The following SLC44A2 variants were observed in gnomAD, a reference collection of about 807,000 sequenced individuals.
SLC44A2 encodes the protein solute carrier family 44 member 2 (CTL2 blood group), also known as choline transporter-like protein 2.
Under a neutral mutation model 90.8 loss-of-function variants are expected in SLC44A2, and 57 were observed. The ratio of observed to expected loss-of-function variants is 0.63; its 90% CI spans 0.51 to 0.78. The LOEUF (loss-of-function observed/expected upper bound fraction) is 0.78. Among genes scored for constraint, SLC44A2 ranks in the 30% least tolerant of loss-of-function variants. SLC44A2 has a pLI of 0.00. For missense variants in SLC44A2, 794 were observed against 919.7 expected (o/e 0.86, Z 1.77); for synonymous variants, 355 against 360.7 (o/e 0.98, Z 0.18).
Position 10,632,064 on chromosome 19 carries a change from C to T in SLC44A2, c.731C>T (p.Ala244Val). 5 of 1,614,120 alleles carry T rather than the reference C, an allele frequency of 3.1e-6. No individual in the cohort carries two copies. The highest frequency in any genetic ancestry group is 1.7e-4 in the Middle Eastern group (1 of 6,060). The change falls in exon 10 of 22, where the codon GCG becomes GTG. Residue 244 changes from alanine to valine, a missense_variant. By Grantham distance (64) the Ala-to-Val change is moderately conservative. Around this residue, in one of 3 missense-constraint regions of SLC44A2, gnomAD observed 738 missense variants for 841.1 expected, o/e 0.88. Coordinates refer to ENST00000335757, the MANE Select transcript of SLC44A2 (RefSeq NM_020428.4). ...CCCAGAGGCCTGGTCATTGCCATGG[C>T]GATGAGCCTCCTGTTCATCATCCTG... is the stretch of plus-strand genomic sequence containing the variant. Reference protein sequence around the residue: ...WIIIGLVIAMAMSLLFIILLR... With the variant: ...WIIIGLVIAMVMSLLFIILLR...
At chr19:10,637,598 C>G in intron 16 of SLC44A2, 46 bp from the exon 17 acceptor site, 1 of 1,538,500 alleles carries the variant, frequency 6.5e-7, no homozygotes, top group South Asian at 1.1e-5. Context: ...CCTTCCAAGT[C>G]AGGCTGGTGT....
intron 20 of SLC44A2, 42 bp downstream of exon 20, chr19:10,638,357 G>A (rs143665362): frequency 5.4e-5 from 85 of 1,577,432 alleles, no homozygotes; most frequent in Non-Finnish European, 7.1e-5. Flanking sequence ...GGAAGAAAGA[G>A]GTGTTGGGAT....
At chr19:10,640,251 C>T (rs1012743467) in intron 20 of SLC44A2, among the ~76,000 whole-genome samples, 2 of 151,930 alleles carry the variant, frequency 1.3e-5, no homozygotes, top group African/African-American at 4.8e-5. Context: ...CCACTGTGCC[C>T]GGCTAATTTT....
upstream of SLC44A2, chr19:10,625,526 G>A: frequency 8.1e-7 from 1 of 1,227,486 alleles, no homozygotes; most frequent in Non-Finnish European, 1.0e-6. Context: ...CGCTGTGCTG[G>A]GAGGAGCCGC....
chr19:10,613,161 G>A (rs1918357497), intron 1 of SLC44A2, among the ~76,000 whole-genome samples: 3 of 152,064 alleles, frequency 2.0e-5, no homozygotes, highest in South Asian at 2.1e-4. Context: ...GGGCTCAAGC[G>A]ATTCTCCCAC....
At chr19:10,636,227 A>T in intron 14 of SLC44A2, 96 bp from the exon 15 acceptor site, 1 of 1,407,962 alleles carries the variant, frequency 7.1e-7, no homozygotes, top group Non-Finnish European at 9.7e-7. Flanking sequence ...CTCCTGTCCT[A>T]CCTCATGGTT....
intron 18 of SLC44A2, 21 bp from the exon 19 acceptor site, chr19:10,638,002 G>GC: frequency 6.2e-7 from 1 of 1,614,042 alleles, no homozygotes; most frequent in South Asian, 1.1e-5. Flanking sequence ...ATTCACACCT[G>GC]CCCCTCACTG....
In SLC44A2 at chr19:10,636,154, C is replaced by T. The variant is rs528524119; in HGVS notation, c.1234-169C>T. The T allele has an allele frequency of 1.5e-4, 117 of 774,364 alleles. 2 individuals are homozygous for T. In the South Asian group the frequency reaches 2.1e-3, roughly 14 times the overall value. 48.0% of individuals were successfully genotyped at this position (774,364 alleles called of 1,614,324 possible). A position where few individuals can be genotyped will look rare whatever the true frequency, so the allele number is the denominator to read the frequency against. ...ATGGCCACGTCTTGTTTCTAGAATC[C>T]CTTCCTTTGCACAAGCCATATTCTG... On this transcript the variant is annotated intron_variant, in intron 14 of 21. Transcript: ENST00000335757.
upstream of SLC44A2, chr19:10,625,359 A>C (rs1679732563): frequency 1.3e-6 from 1 of 792,966 alleles, no homozygotes; most frequent in African/African-American, 1.8e-5. Flanking sequence ...CCCAGGGTGA[A>C]GCCGCAGGGT....
chr19:10,603,808 C>T lies in SLC44A2; in HGVS notation c.31+1247C>T, dbSNP rs534130904. Among the ~76,000 whole-genome samples the T allele has an allele frequency of 1.6e-4, 24 of 152,352 alleles. No homozygotes were observed. The South Asian group carries it at 2.1e-3, about 13-fold the overall frequency. On this transcript the variant is annotated intron_variant, in intron 1 of 21. Transcript: ENST00000407327. ...GGCAGGCTGTCTCTGACCTGAGAGT[C>T]TCAGCCTGAGGTTCTAGCCAGGTCT...
In SLC44A2 at chr19:10,642,357, C is replaced by T. The variant is rs1194136395; in HGVS notation, c.1930-10C>T. On this transcript the variant is annotated splice_polypyrimidine_tract_variant and intron_variant, in intron 20 of 21. Coordinates refer to ENST00000335757, the MANE Select transcript of SLC44A2 (RefSeq NM_020428.4). ...CACGGAGCAGGGACAGCTCGTTTCT[C>T]CTTGCCCAGACGGTGATCGTTGGCT... The T allele has an allele frequency of 1.2e-6, 2 of 1,613,688 alleles. No homozygotes were observed. The highest frequency in any genetic ancestry group is 1.7e-6 in the Non-Finnish European group (2 of 1,179,796).
chr19:10,609,658 T>C (rs1918227642), intron 1 of SLC44A2, among the ~76,000 whole-genome samples: 1 of 151,942 alleles, frequency 6.6e-6, no homozygotes, highest in South Asian at 2.1e-4. Context: ...AGAGATAGAG[T>C]CTTGCTATGT....
chr19:10,637,791 G>C, intron 17 of SLC44A2, 44 bp downstream of exon 17: 5 of 1,613,336 alleles, frequency 3.1e-6, no homozygotes, highest in Middle Eastern at 1.6e-4. Context: ...AGCTCCTGCT[G>C]GGTGAGAGGA....
upstream of SLC44A2, among the ~76,000 whole-genome samples, chr19:10,622,403 G>C (rs1051517712): frequency 2.0e-5 from 3 of 152,118 alleles, no homozygotes; most frequent in Admixed American, 1.3e-4. Context: ...AGATGTCTCT[G>C]GCCGCTATAG....
intron 14 of SLC44A2, chr19:10,635,773 CTTT>C (rs773477557): frequency 3.3e-3 from 677 of 205,260 alleles, no homozygotes; most frequent in South Asian, 7.9e-3. Context: ...TCCCTACTTC[CTTT>C]TTTTTTTTTT....
chr19:10,629,169 A>C (rs961121179), intron 4 of SLC44A2, among the ~76,000 whole-genome samples: 1 of 148,744 alleles, frequency 6.7e-6, no homozygotes, highest in African/African-American at 2.5e-5. Context: ...GTGCCACTGC[A>C]CTCCAGCCTA....
intron 20 of SLC44A2, chr19:10,641,515 T>A (rs1245122154): frequency 4.8e-6 from 2 of 414,276 alleles, no homozygotes; most frequent in Admixed American, 3.1e-5. Flanking sequence ...TAAATTAGAT[T>A]TAAGTCAGGA....
At chr19:10,614,412 T>C (rs2066838430) in intron 1 of SLC44A2, among the ~76,000 whole-genome samples, 1 of 152,220 alleles carries the variant, frequency 6.6e-6, no homozygotes, top group East Asian at 1.9e-4. Flanking sequence ...CCTTAAGTTT[T>C]TGTAGAGACA....
intron 16 of SLC44A2, among the ~76,000 whole-genome samples, chr19:10,637,307 G>A (rs1338187282): frequency 4.6e-5 from 7 of 152,186 alleles, no homozygotes; most frequent in East Asian, 3.9e-4. Context: ...GGCCGAGACC[G>A]AGCGACTGCA....
Sources: gnomAD v4.1 joint callset for allele counts (sites outside exome capture counted in the v4.1 genomes callset) on GRCh38, gnomAD v4.1.1 for gene constraint, gnomAD v4.1.1 regional missense constraint, MANE v1.5 for transcripts, NCBI Gene and HGNC (gene_info 2026-07-23, HGNC 2026-07-21) for gene names.